Variants in LGR4 observed in about 807,000 individuals in gnomAD.
The protein encoded by LGR4 is leucine rich repeat containing G protein-coupled receptor 4.
In LGR4, 44 loss-of-function variants were observed where a neutral mutation model predicts 84.8. The observed-to-expected ratio is 0.52, with a 90% CI of 0.41 to 0.67. The LOEUF (loss-of-function observed/expected upper bound fraction) is 0.67, where lower values mean the gene tolerates loss of function less well. LGR4 is among the 30% of genes least tolerant of loss of function. The probability of loss-of-function intolerance (pLI) is 0.00; values close to 1 mark genes in which losing one functional copy is unlikely to be tolerated. For missense variants in LGR4, 1,032 were observed against 1,131.4 expected, an observed-to-expected ratio of 0.91 and a Z score of 1.26; for synonymous variants, 429 against 434.3, an observed-to-expected ratio of 0.99 and a Z score of 0.15.
At position 27,469,714 on chromosome 11, in the gene LGR4, T is replaced by C. The variant is rs571608713; in HGVS notation, c.185+2404A>G. ...AATTTTCTGTATAACTACAGAGGTT[T>C]TTGGTTCACATGCTCCAGCAATTAA... On this transcript the variant is annotated intron_variant, in intron 1 of 17. Transcript: ENST00000379214. 3.3e-5 allele frequency among the ~76,000 whole-genome samples: 5 copies of C among 152,230 alleles called. No individual in the cohort carries two copies. The South Asian group carries it at 6.2e-4, about 19-fold the overall frequency.
intron 4 of LGR4, among the ~76,000 whole-genome samples, chr11:27,387,293 A>T (rs1479632008): frequency 2.6e-5 from 4 of 152,202 alleles, no homozygotes; most frequent in African/African-American, 9.6e-5. Flanking sequence ...CGGAGGTAAC[A>T]TACAACACAA....
At chr11:27,411,615 T>C (rs1359707023) in intron 2 of LGR4, among the ~76,000 whole-genome samples, 2 of 152,122 alleles carry the variant, frequency 1.3e-5, no homozygotes, top group Non-Finnish European at 2.9e-5. Context: ...GGAGGGACTA[T>C]TATTAGCTGC....
chr11:27,472,211 G>A lies in LGR4; in HGVS notation c.92C>T (p.Ala31Val). 3 of 1,368,630 alleles carry A rather than the reference G, an allele frequency of 2.2e-6. No individual in the cohort carries two copies. The highest frequency in any genetic ancestry group is 1.9e-6 in the Non-Finnish European group (2 of 1,059,948). 84.8% of individuals were successfully genotyped at this position (1,368,630 alleles called of 1,614,324 possible). Residue 31 changes from alanine (A) to valine (V), a missense_variant, in exon 1 of 18, where the codon GCG becomes GTG. By Grantham distance (64) the Ala-to-Val change is moderately conservative. Coordinates refer to ENST00000379214, the MANE Select transcript of LGR4 (RefSeq NM_018490.5). ...PSGAAPPLCAAPCSCDGDRRV... is the reference protein window; with the variant it reads ...PSGAAPPLCAVPCSCDGDRRV... ...ACGGTCGCCGTCGCAGCTGCAGGGC[G>A]CCGCGCAGAGAGGCGGCGCCGCGCC...
chr11:27,461,240 C>T (rs1864674047), intron 1 of LGR4, among the ~76,000 whole-genome samples: 1 of 151,722 alleles, frequency 6.6e-6, no homozygotes, highest in Non-Finnish European at 1.5e-5. Context: ...CCGTGGCTCA[C>T]ACCTGTAATC....
At chr11:27,376,400 G>A (rs879143039) in intron 12 of LGR4, 30 bp from the exon 13 acceptor site, 72 of 1,206,578 alleles carry the variant, frequency 6.0e-5, no homozygotes, top group Non-Finnish European at 8.1e-5. Flanking sequence ...GAAAGAAGAC[G>A]AAGACAAAGA....
chr11:27,452,380 G>A (rs1293427520), intron 1 of LGR4, among the ~76,000 whole-genome samples: 4 of 151,996 alleles, frequency 2.6e-5, no homozygotes, highest in Admixed American at 1.3e-4. Context: ...GCTAAACCGG[G>A]AAATTTACTT....
intron 16 of LGR4, 32 bp from the exon 17 acceptor site, chr11:27,371,730 A>G (rs754350631): frequency 1.3e-5 from 19 of 1,502,308 alleles, no homozygotes; most frequent in Non-Finnish European, 1.6e-5. Flanking sequence ...TGTTTAATTA[A>G]AACCTTATGC....
chr11:27,448,320 T>G (rs1469751709), intron 1 of LGR4, among the ~76,000 whole-genome samples: 1 of 151,880 alleles, frequency 6.6e-6, no homozygotes, highest in South Asian at 2.1e-4. Context: ...AGACAGAGTT[T>G]TTGCTCTTGT....
At chr11:27,413,865 CT>C (rs1159224021) in intron 1 of LGR4, among the ~76,000 whole-genome samples, 1 of 152,130 alleles carries the variant, frequency 6.6e-6, no homozygotes, top group Non-Finnish European at 1.5e-5. Flanking sequence ...GTAAAATTTT[CT>C]TTTAAAGGAG....
chr11:27,418,948 C>T (rs1331772178), intron 1 of LGR4, among the ~76,000 whole-genome samples: 1 of 151,658 alleles, frequency 6.6e-6, no homozygotes, highest in Non-Finnish European at 1.5e-5. Flanking sequence ...AATTCTCCCA[C>T]CTCAGCTTCC....
intron 2 of LGR4, among the ~76,000 whole-genome samples, chr11:27,402,374 A>G (rs1863520453): frequency 6.6e-6 from 1 of 151,382 alleles, no homozygotes; most frequent in African/African-American, 2.4e-5. Context: ...GAGTGATAAC[A>G]GGATGGTACA....
At chr11:27,443,651 G>A (rs1281693696) in intron 1 of LGR4, among the ~76,000 whole-genome samples, 1 of 152,148 alleles carries the variant, frequency 6.6e-6, no homozygotes, top group African/African-American at 2.4e-5. Flanking sequence ...TTTTTAAAGA[G>A]AACTCTGGGA....
intron 6 of LGR4, 150 bp from the exon 7 acceptor site, chr11:27,382,406 G>A (rs1026715): frequency 0.29 from 168,350 of 578,450 alleles, 27,403 homozygotes; most frequent in East Asian, 0.5. Context: ...AACCATGTAG[G>A]AGTTTAACTG....
intron 1 of LGR4, among the ~76,000 whole-genome samples, chr11:27,456,939 T>C (rs919201040): frequency 3.3e-5 from 5 of 152,196 alleles, no homozygotes. Flanking sequence ...CATTTTTTTC[T>C]GTTCTGATTT....
chr11:27,415,570 A>G (rs1863800772), intron 1 of LGR4, among the ~76,000 whole-genome samples: 1 of 152,192 alleles, frequency 6.6e-6, no homozygotes, highest in Admixed American at 6.6e-5. Flanking sequence ...TAACATATGT[A>G]AAACACACGG....
At chr11:27,388,768 T>C (rs2133376219) in intron 4 of LGR4, among the ~76,000 whole-genome samples, 1 of 152,284 alleles carries the variant, frequency 6.6e-6, no homozygotes, top group Admixed American at 6.5e-5. Flanking sequence ...ACCAATAATG[T>C]AAGTGTTATA....
intron 1 of LGR4, among the ~76,000 whole-genome samples, chr11:27,466,219 A>C (rs938583066): frequency 3.3e-5 from 5 of 152,236 alleles, no homozygotes; most frequent in African/African-American, 1.2e-4. Context: ...GTATACCAAC[A>C]AATACTGTAC....
intron 2 of LGR4, among the ~76,000 whole-genome samples, chr11:27,401,614 T>A (rs1278863891): frequency 6.6e-6 from 1 of 152,224 alleles, no homozygotes; most frequent in East Asian, 1.9e-4. Flanking sequence ...GTATTGAGTT[T>A]TCCCAGGACA....
intron 2 of LGR4, among the ~76,000 whole-genome samples, chr11:27,402,925 C>T (rs533527344): frequency 1.3e-5 from 2 of 152,254 alleles, no homozygotes; most frequent in African/African-American, 2.4e-5. Context: ...AATGTCAGGG[C>T]CTACGTCTCT....
Sources: allele counts gnomAD v4.1 joint callset (sites outside exome capture counted in the v4.1 genomes callset), GRCh38; gene constraint gnomAD v4.1.1; transcripts MANE v1.5; gene names NCBI Gene and HGNC (gene_info 2026-07-23, HGNC 2026-07-21).